Variants in CAMSAP2 observed in about 807,000 individuals in gnomAD.
CAMSAP2 encodes calmodulin regulated spectrin associated protein family member 2.
CAMSAP2 carries 26 observed loss-of-function variants against 146.1 expected under a neutral mutation model. That is an observed-to-expected ratio of 0.18 (90% confidence interval 0.13 to 0.25). The LOEUF (loss-of-function observed/expected upper bound fraction) is 0.25. Ranked by LOEUF, CAMSAP2 falls within the 10% of genes least tolerant of loss-of-function variation. The pLI is 1.00. For missense variants in CAMSAP2, 1,381 were observed against 1,759.3 expected (o/e 0.78, Z 3.85); for synonymous variants, 499 against 596.6 (o/e 0.84, Z 2.38).
intron 1 of CAMSAP2, among the ~76,000 whole-genome samples, chr1:200,743,111 T>C (rs1046057416): frequency 1.3e-5 from 2 of 152,224 alleles, no homozygotes; most frequent in Non-Finnish European, 2.9e-5. Context: ...TATCTGTGCC[T>C]TTTCTATATT....
At chr1:200,787,067 G>T (rs997495054) in intron 2 of CAMSAP2, among the ~76,000 whole-genome samples, 6 of 151,954 alleles carry the variant, frequency 3.9e-5, no homozygotes, top group African/African-American at 1.5e-4. Flanking sequence ...TTGACAATGC[G>T]CGTGGTCACC....
At chr1:200,749,602 CT>C (rs1664442262) in intron 1 of CAMSAP2, among the ~76,000 whole-genome samples, 1 of 152,074 alleles carries the variant, frequency 6.6e-6, no homozygotes, top group African/African-American at 2.4e-5. Flanking sequence ...AACTGCTTAC[CT>C]TTATTTAACA....
intron 6 of CAMSAP2, among the ~76,000 whole-genome samples, chr1:200,835,378 T>C (rs1463948503): frequency 6.6e-6 from 1 of 152,216 alleles, no homozygotes; most frequent in African/African-American, 2.4e-5. Flanking sequence ...TTGAAAAATA[T>C]TTTAGCGAGA....
At chr1:200,746,470 A>G (rs1008224967) in intron 1 of CAMSAP2, among the ~76,000 whole-genome samples, 1 of 152,194 alleles carries the variant, frequency 6.6e-6, no homozygotes, top group Non-Finnish European at 1.5e-5. Flanking sequence ...GTTGGGGGGA[A>G]AGAACCATGT....
At position 200,784,508 on chromosome 1, in the gene CAMSAP2, T is replaced by C. The variant is rs1347295109; in HGVS notation, c.400-22868T>C. On this transcript the variant is annotated intron_variant, in intron 2 of 16. Transcript: ENST00000358823. Reference sequence around the variant, plus strand: ...ATTCATATGCACTTTGTTGAATCTTTCATATTTTTGATTTGGAATTGCATT... The same window carrying C: ...ATTCATATGCACTTTGTTGAATCTTCCATATTTTTGATTTGGAATTGCATT... Among the ~76,000 whole-genome samples the C allele has an allele frequency of 2.0e-5, 3 of 152,224 alleles. No homozygotes were observed. In the East Asian group the frequency reaches 5.8e-4, roughly 29 times the overall value.
chr1:200,852,457 A>C, intron 11 of CAMSAP2, 84 bp from the exon 12 acceptor site: 3 of 1,484,046 alleles, frequency 2.0e-6, no homozygotes, highest in Non-Finnish European at 2.7e-6. Context: ...TATAGGACTA[A>C]CCACAAAATG....
At chr1:200,758,910 A>G (rs970276607) in intron 1 of CAMSAP2, among the ~76,000 whole-genome samples, 2 of 151,866 alleles carry the variant, frequency 1.3e-5, no homozygotes, top group East Asian at 1.9e-4. Flanking sequence ...TTTGAACTTC[A>G]TTTCCTTATA....
chr1:200,761,149 G>C (rs1664789861), intron 2 of CAMSAP2, 51 bp downstream of exon 2: 3 of 1,517,096 alleles, frequency 2.0e-6, no homozygotes, highest in Non-Finnish European at 2.7e-6. Context: ...GTGTACTTTT[G>C]AGTGTGAATG....
intron 4 of CAMSAP2, among the ~76,000 whole-genome samples, chr1:200,817,056 A>G (rs1180400745): frequency 7.1e-6 from 1 of 141,570 alleles, no homozygotes; most frequent in Non-Finnish European, 1.6e-5. Context: ...GTGTATGTGT[A>G]TACACACACG....
In CAMSAP2 at chr1:200,857,730, T is replaced by C. The variant is rs1667782917; in HGVS notation, c.4132-24T>C. ...AAGGGTTTTTATTCGTGTTGTTATG[T>C]TGTTTTTGTTTTTTATTTTAAAGGA... On this transcript the variant is annotated intron_variant, in intron 16 of 16. Transcript: ENST00000358823. The surrounding 1 kb of genome is among the most constrained non-coding windows in gnomAD (Gnocchi z 4.7). 1.3e-6 allele frequency: 2 copies of C among 1,544,002 alleles called. No individual in the cohort carries two copies. Among genetic ancestry groups the C allele is most frequent in the African/African-American group, 1.4e-5 (1 of 71,914 alleles).
intron 1 of CAMSAP2, among the ~76,000 whole-genome samples, chr1:200,743,528 G>C (rs1476321095): frequency 6.6e-6 from 1 of 151,940 alleles, no homozygotes; most frequent in Non-Finnish European, 1.5e-5. Flanking sequence ...GCAAGAGTCT[G>C]GGCAAAAGAT....
At chr1:200,746,184 G>A (rs1164434174) in intron 1 of CAMSAP2, among the ~76,000 whole-genome samples, 1 of 152,222 alleles carries the variant, frequency 6.6e-6, no homozygotes, top group Non-Finnish European at 1.5e-5. Context: ...TTAAAAAGAT[G>A]TCTTGGAAAC....
chr1:200,780,750 A>G (rs1337000354), intron 2 of CAMSAP2, among the ~76,000 whole-genome samples: 4 of 152,222 alleles, frequency 2.6e-5, no homozygotes, highest in South Asian at 2.1e-4. Flanking sequence ...AGTATCTGCC[A>G]TAGATATTTA....
Position 200,827,923 on chromosome 1 carries a change from A to G in CAMSAP2, c.646-4277A>G, listed in dbSNP as rs1361107118. Among the ~76,000 whole-genome samples, 13 of 152,284 alleles carry G rather than the reference A, an allele frequency of 8.5e-5. No individual in the cohort carries two copies. The East Asian group carries it at 1.9e-3, about 23-fold the overall frequency. On this transcript the variant is annotated intron_variant, in intron 4 of 16. Transcript: ENST00000358823. The stretch of plus-strand genomic sequence containing the variant: ...AAAGAAGAAAATTAGATTCTTTGGG[A>G]CAGCCCTAGATAGTAAATTTAATAA...
intron 2 of CAMSAP2, among the ~76,000 whole-genome samples, chr1:200,773,142 C>T (rs1282645447): frequency 6.6e-6 from 1 of 152,132 alleles, no homozygotes; most frequent in Non-Finnish European, 1.5e-5. Flanking sequence ...GTAACAAAAG[C>T]TAAGATACTT....
rs570048059 is a variant in CAMSAP2 at position 200,773,401 on chromosome 1, A to C, written c.399+12303A>C. Among the ~76,000 whole-genome samples, 40 of 152,076 alleles carry C rather than the reference A, an allele frequency of 2.6e-4. No homozygotes were observed. In the South Asian group the frequency reaches 7.9e-3, roughly 30 times the overall value. On this transcript the variant is annotated intron_variant, in intron 2 of 16. Coordinates refer to ENST00000358823, the MANE Select transcript of CAMSAP2 (RefSeq NM_203459.4). Reference sequence around the variant, plus strand: ...CCCAAGTAGCTGGGACTACAAGTGCACACCACCATGCCTGGCTAGTTTTTT... The same window carrying C: ...CCCAAGTAGCTGGGACTACAAGTGCCCACCACCATGCCTGGCTAGTTTTTT...
intron 2 of CAMSAP2, among the ~76,000 whole-genome samples, chr1:200,801,737 C>A (rs1173448735): frequency 6.6e-6 from 1 of 152,150 alleles, no homozygotes; most frequent in Non-Finnish European, 1.5e-5. Context: ...AAAGCTTACA[C>A]CATCTAAATT....
rs1326758223 is a variant in CAMSAP2 at position 200,816,757 on chromosome 1, TGTGTGTACAC to T, written c.645+1114_645+1123del. Reference sequence around the variant, plus strand: ...GTGTACACACACACGCGTGTATATATGTGTGTACACACACACGCGTGTATATATGTGTGTA... The same window carrying T: ...GTGTACACACACACGCGTGTATATATACACACGCGTGTATATATGTGTGTA... On this transcript the variant is annotated intron_variant, in intron 4 of 16. Transcript: ENST00000358823. 4.0e-4 allele frequency among the ~76,000 whole-genome samples: 51 copies of T among 128,646 alleles called. 17 individuals carry two copies. The highest frequency in any genetic ancestry group is 1.4e-3 in the African/African-American group (48 of 34,908). The allele number at this position is 128,646 out of a possible 152,430, so 84.4% of individuals were successfully genotyped here.
In CAMSAP2 at chr1:200,848,401, A is replaced by G. The variant is rs1667518453; in HGVS notation, c.1632A>G (p.Glu544=). The G allele has an allele frequency of 1.2e-6, 2 of 1,614,038 alleles. No individual in the cohort carries two copies. Among genetic ancestry groups the G allele is most frequent in the East Asian group, 4.5e-5 (2 of 44,866 alleles). The change falls in exon 11 of 17, where the codon GAA becomes GAG. Residue 544 remains glutamate, a synonymous_variant. Transcript: ENST00000358823. ...GNQIETPSIE[E]ALQIIHDTEK... Reference sequence around the variant, plus strand: ...AGATCGAGACACCAAGCATTGAAGAAGCATTACAAATAATTCATGATACTG... The same window carrying G: ...AGATCGAGACACCAAGCATTGAAGAGGCATTACAAATAATTCATGATACTG...
Sources: gnomAD v4.1 joint callset for allele counts (sites outside exome capture counted in the v4.1 genomes callset) on GRCh38, gnomAD v4.1.1 for gene constraint, Gnocchi (gnomAD v3.1) non-coding constraint, MANE v1.5 for transcripts, NCBI Gene and HGNC (gene_info 2026-07-23, HGNC 2026-07-21) for gene names.